Variants in WWTR1 observed in about 807,000 individuals in gnomAD.
The protein encoded by WWTR1 is WW domain-containing transcription regulator protein 1.
WWTR1 carries 13 observed loss-of-function variants against 40.1 expected under a neutral mutation model. The observed-to-expected ratio is 0.32, with a 90% CI of 0.21 to 0.52. The LOEUF (loss-of-function observed/expected upper bound fraction) is 0.52, where lower values mean the gene tolerates loss of function less well. Among genes scored for constraint, WWTR1 ranks in the 20% least tolerant of loss-of-function variants. WWTR1 has a pLI of 0.97. For missense variants in WWTR1, 436 were observed against 523.1 expected (o/e 0.83, Z 1.63); for synonymous variants, 230 against 210.1 (o/e 1.09, Z -0.82).
At chr3:149,604,290 C>T (rs1025506276) in intron 2 of WWTR1, among the ~76,000 whole-genome samples, 2 of 152,184 alleles carry the variant, frequency 1.3e-5, no homozygotes, top group Non-Finnish European at 2.9e-5. Context: ...GGGCCACCCC[C>T]TCACAGCTCA....
At position 149,572,892 on chromosome 3, in the gene WWTR1, C is replaced by T. The variant is rs757669865; in HGVS notation, c.540G>A (p.Arg180=). 6 of 1,613,262 alleles carry T rather than the reference C, an allele frequency of 3.7e-6. No individual in the cohort carries two copies. The East Asian group carries it at 1.3e-4, about 36-fold the overall frequency. ...GATTTGGCTGGGATACTGCCATGGA[C>T]CTCTGAGGCACTGGTGTGGAACTGA... ...PAVSSTPVPQ[R]SMAVSQPNLV... Residue 180 remains arginine, a synonymous_variant, in exon 3 of 7, where the codon AGG becomes AGA. Coordinates refer to ENST00000360632, the MANE Select transcript of WWTR1 (RefSeq NM_015472.6).
intron 2 of WWTR1, among the ~76,000 whole-genome samples, chr3:149,607,150 T>C (rs1482499436): frequency 1.3e-5 from 2 of 152,240 alleles, no homozygotes; most frequent in African/African-American, 2.4e-5. Context: ...CTATTTTCAG[T>C]TGCTTTTACT....
chr3:149,629,170 A>C (rs930292437), intron 2 of WWTR1, among the ~76,000 whole-genome samples: 1 of 152,228 alleles, frequency 6.6e-6, no homozygotes, highest in Non-Finnish European at 1.5e-5. Flanking sequence ...AGAGGAAAAA[A>C]AGTTATTTCC....
chr3:149,586,479 A>G (rs1012296233), intron 2 of WWTR1, among the ~76,000 whole-genome samples: 3 of 152,242 alleles, frequency 2.0e-5, no homozygotes, highest in Admixed American at 1.3e-4. Context: ...GTGATATATT[A>G]AGAAATAAAT....
chr3:149,629,163 G>C (rs899115188), intron 2 of WWTR1, among the ~76,000 whole-genome samples: 1 of 152,006 alleles, frequency 6.6e-6, no homozygotes, highest in Non-Finnish European at 1.5e-5. Context: ...GAGTTTAAGA[G>C]GAAAAAAAGT....
At chr3:149,670,573 G>A (rs1714032708) in intron 1 of WWTR1, among the ~76,000 whole-genome samples, 1 of 150,738 alleles carries the variant, frequency 6.6e-6, no homozygotes, top group Non-Finnish European at 1.5e-5. Flanking sequence ...GAACCCGGGA[G>A]GCGGAGCTTG....
chr3:149,585,154 GTT>G (rs1738359366), intron 2 of WWTR1, among the ~76,000 whole-genome samples: 1 of 151,566 alleles, frequency 6.6e-6, no homozygotes, highest in East Asian at 1.9e-4. Context: ...GTGTGTGTGT[GTT>G]TAAGATGGAG....
chr3:149,630,146 A>G (rs560455643), intron 2 of WWTR1, among the ~76,000 whole-genome samples: 2 of 152,310 alleles, frequency 1.3e-5, no homozygotes, highest in African/African-American at 4.8e-5. Context: ...ACACCGGGCT[A>G]ACTTCAAGGA....
intron 3 of WWTR1, among the ~76,000 whole-genome samples, chr3:149,562,868 G>T (rs1477455767): frequency 6.6e-6 from 1 of 152,016 alleles, no homozygotes; most frequent in East Asian, 1.9e-4. Context: ...TCAATCAGTT[G>T]GTACCTGGGT....
At chr3:149,578,529 G>C (rs1175893947) in intron 2 of WWTR1, among the ~76,000 whole-genome samples, 1 of 152,136 alleles carries the variant, frequency 6.6e-6, no homozygotes, top group East Asian at 1.9e-4. Flanking sequence ...ATGCATGATG[G>C]GTGATGTACT....
intron 1 of WWTR1, among the ~76,000 whole-genome samples, chr3:149,681,452 A>G (rs1237298045): frequency 5.9e-5 from 9 of 152,228 alleles, no homozygotes; most frequent in Non-Finnish European, 1.2e-4. Flanking sequence ...ATTTTTTAAT[A>G]TACCTATTGG....
chr3:149,521,142 C>T (rs1228673625), intron 6 of WWTR1, among the ~76,000 whole-genome samples, 153 bp from the exon 7 acceptor site: 1 of 152,028 alleles, frequency 6.6e-6, no homozygotes, highest in Admixed American at 6.6e-5. Flanking sequence ...TGGAAGAAAT[C>T]GAAAATTATT....
chr3:149,629,260 G>A (rs6790596), intron 2 of WWTR1, among the ~76,000 whole-genome samples: 95,093 of 152,110 alleles, frequency 0.63, 30,636 homozygotes, highest in Middle Eastern at 0.75. Flanking sequence ...TCCTTTCTCA[G>A]TCAAACTAAA....
At chr3:149,680,543 C>CA (rs1209914526) in intron 1 of WWTR1, among the ~76,000 whole-genome samples, 7 of 148,342 alleles carry the variant, frequency 4.7e-5, no homozygotes, top group South Asian at 4.3e-4. Context: ...GACCCTGTCT[C>CA]AAAAAAAACC....
At chr3:149,648,283 T>C (rs1388931767) in intron 2 of WWTR1, among the ~76,000 whole-genome samples, 2 of 152,230 alleles carry the variant, frequency 1.3e-5, no homozygotes, top group East Asian at 1.9e-4. Context: ...AAGTTTACAA[T>C]GAAAATGGCT....
chr3:149,625,118 TTTG>T lies in WWTR1; in HGVS notation c.431+31755_431+31757del, dbSNP rs1447992235. Among the ~76,000 whole-genome samples, 397 of 146,988 alleles carry T rather than the reference TTTG, an allele frequency of 2.7e-3. 4 individuals are homozygous for T. The highest frequency in any genetic ancestry group is 9.2e-3 in the African/African-American group (361 of 39,394). ...CTCTACCCTTTTTTTTTTTTTTTTT[TTTG>T]GTTTTTTTGGTTTTTTTTGTGACGG... On this transcript the variant is annotated intron_variant, in intron 2 of 6. Coordinates refer to ENST00000360632, the MANE Select transcript of WWTR1 (RefSeq NM_015472.6).
intron 2 of WWTR1, among the ~76,000 whole-genome samples, chr3:149,666,152 T>C (rs1288333878): frequency 6.6e-6 from 1 of 152,210 alleles, no homozygotes; most frequent in Non-Finnish European, 1.5e-5. Context: ...AAGCCACTGC[T>C]CTTCCTTGTC....
At chr3:149,621,456 G>C (rs1357878869) in intron 2 of WWTR1, among the ~76,000 whole-genome samples, 1 of 152,120 alleles carries the variant, frequency 6.6e-6, no homozygotes, top group Non-Finnish European at 1.5e-5. Flanking sequence ...GCAAGAGACC[G>C]CTGCACCACA....
chr3:149,648,305 A>G (rs915067518), intron 2 of WWTR1, among the ~76,000 whole-genome samples: 1 of 152,220 alleles, frequency 6.6e-6, no homozygotes, highest in Non-Finnish European at 1.5e-5. Context: ...AAAATAAATA[A>G]TACAGGATTC....
Sources: allele counts gnomAD v4.1 joint callset (sites outside exome capture counted in the v4.1 genomes callset), GRCh38; gene constraint gnomAD v4.1.1; transcripts MANE v1.5; gene names NCBI Gene and HGNC (gene_info 2026-07-23, HGNC 2026-07-21).